PAEP: variants seen among roughly 807,000 people sequenced by gnomAD.
PAEP encodes progestagen associated endometrial protein.
Under a neutral mutation model 23.0 loss-of-function variants are expected in PAEP, and 28 were observed. The ratio of observed to expected loss-of-function variants is 1.22; its 90% CI spans 0.90 to 1.67. PAEP has a LOEUF of 1.67. Ranked by LOEUF, PAEP falls within the 40% of genes most tolerant of loss-of-function variation. PAEP has a pLI of 0.00. For synonymous variants in PAEP, 103 were observed against 92.4 expected (o/e 1.12, Z -0.66); for missense variants, 209 against 226.4 (o/e 0.92, Z 0.49).
chr9:135,561,829 G>C lies in PAEP; in HGVS notation c.28G>C (p.Val10Leu), dbSNP rs140018848. The C allele has an allele frequency of 6.4e-7, 1 of 1,558,750 alleles. No homozygotes were observed. The highest frequency in any genetic ancestry group is 8.7e-7 in the Non-Finnish European group (1 of 1,150,696). The change falls in exon 1 of 7, where the codon GTG (valine) becomes CTG (leucine). Residue 10 changes from valine (V) to leucine (L), a missense_variant. Coordinates refer to ENST00000479141, the MANE Select transcript of PAEP (RefSeq NM_002571.4). ...GCTGTGCCTCCTGCTCACCCTGGGC[G>C]TGGCCCTGGTCTGTGGTGTCCCGGC... MLCLLLTLG[V>L]ALVCGVPAMD...
rs769795423 is a variant in PAEP at position 135,561,898 on chromosome 9, G to T, written c.96+1G>T. ...CAAGCAGGACCTGGAGCTCCCAAAG[G>T]TTTGAGGCTGGGGGAGCGGGCACTT... On this transcript the variant is annotated splice_donor_variant, in intron 1 of 6. Coordinates refer to ENST00000479141, the MANE Select transcript of PAEP (RefSeq NM_002571.4). LOFTEE classifies it high-confidence loss of function. The T allele has an allele frequency of 2.0e-6, 3 of 1,525,064 alleles. No individual in the cohort carries two copies. Among genetic ancestry groups the T allele is most frequent in the East Asian group, 5.0e-5 (2 of 40,040 alleles). 94.5% of individuals were successfully genotyped at this position (1,525,064 alleles called of 1,614,324 possible). A position where few individuals can be genotyped will look rare whatever the true frequency, so the allele number is the denominator to read the frequency against.
In PAEP at chr9:135,564,353, G is replaced by C. The variant is rs1832480335; in HGVS notation, c.420G>C (p.Leu140=). The C allele has an allele frequency of 6.5e-7, 1 of 1,550,008 alleles. No individual in the cohort carries two copies. The highest frequency in any genetic ancestry group is 8.7e-7 in the Non-Finnish European group (1 of 1,146,942). The change falls in exon 4 of 7, where the codon CTG becomes CTC. Residue 140 remains leucine, a splice_region_variant and synonymous_variant. Coordinates refer to ENST00000479141, the MANE Select transcript of PAEP (RefSeq NM_002571.4). ...TPIQSMMCQY[L]ARVLVEDDEI... is the part of the protein sequence containing the mutation. ...TCCAGAGCATGATGTGCCAGTACCTGGGTGGGTCTCACAGCACATGAGCTC... is the reference window on the plus strand; with the variant it reads ...TCCAGAGCATGATGTGCCAGTACCTCGGTGGGTCTCACAGCACATGAGCTC...
chr9:135,563,775 T>G (rs1245090364), intron 3 of PAEP, among the ~76,000 whole-genome samples: 4 of 152,306 alleles, frequency 2.6e-5, no homozygotes, highest in Admixed American at 2.6e-4. Flanking sequence ...TCTTATCCCC[T>G]CATGGGCACA....
chr9:135,565,504 A>G lies in PAEP; in HGVS notation c.516A>G (p.Lys172=), dbSNP rs200107494. 2.2e-4 allele frequency: 363 copies of G among 1,613,734 alleles called. 3 individuals carry two copies. The South Asian group carries it at 3.2e-3, about 14-fold the overall frequency. The part of the protein sequence containing the change: ...PRHLWYLLDL[K]QMEEPCRF ...ACCTATGGTACTTGCTGGACTTGAA[A>G]CAGATGGAAGGTGAGCTCTGCCTAG... Residue 172 remains lysine, a synonymous_variant, in exon 5 of 7, where the codon AAA becomes AAG. Coordinates refer to ENST00000479141, the MANE Select transcript of PAEP (RefSeq NM_002571.4).
At chr9:135,563,142 A>C (rs1391720553) in intron 3 of PAEP, among the ~76,000 whole-genome samples, 1 of 152,264 alleles carries the variant, frequency 6.6e-6, no homozygotes, top group Non-Finnish European at 1.5e-5. Context: ...GTGCCCAGGC[A>C]CAGGGGACAG....
chr9:135,563,936 G>A (rs373878404), intron 3 of PAEP, among the ~76,000 whole-genome samples: 45 of 152,012 alleles, frequency 3.0e-4, no homozygotes, highest in Middle Eastern at 6.8e-3. Context: ...GCCATCTCCC[G>A]CCATCCTCAC....
intron 1 of PAEP, 116 bp from the exon 2 acceptor site, chr9:135,562,178 C>A: frequency 8.4e-7 from 1 of 1,183,682 alleles, no homozygotes; most frequent in Non-Finnish European, 1.2e-6. Flanking sequence ...TGGTAGATAG[C>A]AGACAACCAT....
At chr9:135,562,473 A>G in intron 2 of PAEP, 40 bp downstream of exon 2, 2 of 1,602,392 alleles carry the variant, frequency 1.2e-6, no homozygotes, top group Non-Finnish European at 1.7e-6. Flanking sequence ...GCGGGGGCTC[A>G]GTCTCCCCCC....
intron 5 of PAEP, 30 bp downstream of exon 5, chr9:135,565,544 C>G: frequency 1.3e-6 from 2 of 1,578,340 alleles, no homozygotes; most frequent in Non-Finnish European, 1.7e-6. Flanking sequence ...CGCCCAGCCT[C>G]AGCTGGAGGA....
At chr9:135,563,120 T>C (rs1832389977) in intron 3 of PAEP, among the ~76,000 whole-genome samples, 1 of 152,260 alleles carries the variant, frequency 6.6e-6, no homozygotes, top group Non-Finnish European at 1.5e-5. Flanking sequence ...TGACTGGATG[T>C]GGGTCTGCAC....
At chr9:135,565,018 T>C (rs57912962) in intron 4 of PAEP, among the ~76,000 whole-genome samples, 8,410 of 152,260 alleles carry the variant, frequency 0.055, 660 homozygotes, top group African/African-American at 0.17. Context: ...CCCTTCCCCA[T>C]GTTTCTGAGC....
At chr9:135,565,261 C>A in intron 4 of PAEP, 149 bp from the exon 5 acceptor site, 1 of 670,136 alleles carries the variant, frequency 1.5e-6, no homozygotes, top group South Asian at 1.8e-5. Flanking sequence ...CCGGAGACCG[C>A]CCTAGGGACC....
intron 3 of PAEP, among the ~76,000 whole-genome samples, chr9:135,563,583 T>C (rs1450621154): frequency 6.6e-6 from 1 of 152,154 alleles, no homozygotes; most frequent in African/African-American, 2.4e-5. Context: ...GGCTGCCTCC[T>C]GCGCACTCTG....
chr9:135,562,929 C>T (rs764221258), intron 3 of PAEP, 36 bp downstream of exon 3: 1 of 1,532,876 alleles, frequency 6.5e-7, no homozygotes. Context: ...TGGCTCAGTG[C>T]TGGCATGCTA....
intron 6 of PAEP, 192 bp from the exon 7 acceptor site, chr9:135,566,334 TAATTTTTGTATTTTTAATAGAAACGGG>T (rs2119053462): frequency 6.5e-6 from 1 of 154,990 alleles, no homozygotes; most frequent in East Asian, 1.9e-4. Flanking sequence ...CATGCCCAGC[TAATTTTTGTATTTTTAATAGAAACGGG>T]GTTTCACCAT....
chr9:135,566,384 G>A (rs1832578832), intron 6 of PAEP, 169 bp from the exon 7 acceptor site: 1 of 155,074 alleles, frequency 6.4e-6, no homozygotes, highest in African/African-American at 2.4e-5. Flanking sequence ...TGGCCACGAT[G>A]GTCTCAATCT....
rs758017543 is a variant in PAEP at position 135,564,305 on chromosome 9, C to T, written c.372C>T (p.Cys124=). The change falls in exon 4 of 7, where the codon TGC becomes TGT. Residue 124 remains cysteine, a synonymous_variant. Transcript: ENST00000479141. ...ACTACGACAATTTCCTGTTTCTCTG[C>T]CTACAGGACACCACCACCCCCATCC... The part of the protein sequence containing the change: ...DTDYDNFLFL[C]LQDTTTPIQS... The T allele has an allele frequency of 9.7e-6, 15 of 1,552,774 alleles. No individual in the cohort carries two copies. The highest frequency in any genetic ancestry group is 2.0e-5 in the Admixed American group (1 of 51,056).
intron 3 of PAEP, among the ~76,000 whole-genome samples, chr9:135,563,095 A>G (rs987253636): frequency 6.6e-6 from 1 of 152,238 alleles, no homozygotes; most frequent in Non-Finnish European, 1.5e-5. Context: ...GGAAGCACTA[A>G]TTCTTGGCAT....
chr9:135,564,939 C>T (rs1458331583), intron 4 of PAEP: 9 of 921,156 alleles, frequency 9.8e-6, no homozygotes, highest in Middle Eastern at 5.5e-4. Flanking sequence ...CCAGTCAAAA[C>T]GCCCTGAAAC....
Sources: allele counts gnomAD v4.1 joint callset (sites outside exome capture counted in the v4.1 genomes callset), GRCh38; gene constraint gnomAD v4.1.1; transcripts MANE v1.5; gene names NCBI Gene and HGNC (gene_info 2026-07-23, HGNC 2026-07-21).